The following TGFBR3 variants were observed in gnomAD, a reference collection of about 807,000 sequenced individuals.
TGFBR3 encodes transforming growth factor beta receptor 3, also known as transforming growth factor beta receptor type 3.
In TGFBR3, 46 loss-of-function variants were observed where a neutral mutation model predicts 87.9. The ratio of observed to expected loss-of-function variants is 0.52; its 90% CI spans 0.41 to 0.67. The LOEUF is 0.67. Among genes scored for constraint, TGFBR3 ranks in the 30% least tolerant of loss-of-function variants. The pLI, the probability that TGFBR3 is intolerant of heterozygous loss-of-function variation, is 0.00. For missense variants in TGFBR3, 866 were observed against 1,041.9 expected (o/e 0.83, Z 2.32); for synonymous variants, 381 against 391.6 (o/e 0.97, Z 0.32).
intron 2 of TGFBR3, among the ~76,000 whole-genome samples, chr1:91,828,563 C>A (rs1473961548): frequency 6.6e-6 from 1 of 152,138 alleles, no homozygotes; most frequent in African/African-American, 2.4e-5. Context: ...TTATCATGAG[C>A]AAACAGGGGC....
At chr1:91,751,610 A>G (rs1673543621) in intron 4 of TGFBR3, among the ~76,000 whole-genome samples, 1 of 152,174 alleles carries the variant, frequency 6.6e-6, no homozygotes, top group South Asian at 2.1e-4. Flanking sequence ...CAGAGGCCCA[A>G]AATATTTGGA....
intron 4 of TGFBR3, among the ~76,000 whole-genome samples, chr1:91,752,957 G>A (rs1673602600): frequency 6.6e-6 from 1 of 150,878 alleles, no homozygotes; most frequent in African/African-American, 2.4e-5. Flanking sequence ...AGCCCAGGCA[G>A]CAGAGGTTAC....
Position 91,713,070 on chromosome 1 carries a change from C to T in TGFBR3, c.1867-528G>A, listed in dbSNP as rs112907818. Reference sequence around the variant, plus strand: ...CCTGATGAGAGTCCTGCTTCATCGGCGAGAAGGCAGAGCTGGCTCCGGCGC... The same window carrying T: ...CCTGATGAGAGTCCTGCTTCATCGGTGAGAAGGCAGAGCTGGCTCCGGCGC... On this transcript the variant is annotated intron_variant, in intron 12 of 16. Coordinates refer to ENST00000212355, the MANE Select transcript of TGFBR3 (RefSeq NM_003243.5). Among the ~76,000 whole-genome samples, 144 of 152,136 alleles carry T rather than the reference C, an allele frequency of 9.5e-4. 4 individuals carry two copies. The highest frequency in any genetic ancestry group is 3.2e-3 in the Middle Eastern group (1 of 316).
intron 4 of TGFBR3, among the ~76,000 whole-genome samples, chr1:91,747,110 T>C (rs747252450): frequency 6.6e-6 from 1 of 152,242 alleles, no homozygotes; most frequent in African/African-American, 2.4e-5. Flanking sequence ...AGTGCCAGAT[T>C]ACACACCTTT....
Position 91,685,355 on chromosome 1 carries a change from C to T in TGFBR3, c.2438-1498G>A, listed in dbSNP as rs139553081. On this transcript the variant is annotated intron_variant, in intron 16 of 16. Transcript: ENST00000212355. ...TTTTTTTTTGTGAGACGGAGTCTCGCTCTGTCCCCTAGGATGGACTGCAGT... is the reference window on the plus strand; with the variant it reads ...TTTTTTTTTGTGAGACGGAGTCTCGTTCTGTCCCCTAGGATGGACTGCAGT... Among the ~76,000 whole-genome samples, 287 of 139,876 alleles carry T rather than the reference C, an allele frequency of 2.1e-3. 2 individuals carry two copies. Among genetic ancestry groups the T allele is most frequent in the African/African-American group, 6.7e-3 (248 of 36,908 alleles). 91.8% of individuals were successfully genotyped at this position (139,876 alleles called of 152,430 possible).
intron 12 of TGFBR3, among the ~76,000 whole-genome samples, chr1:91,715,726 A>G (rs1010788643): frequency 6.6e-6 from 1 of 152,198 alleles, no homozygotes; most frequent in African/African-American, 2.4e-5. Context: ...AAATGTCATG[A>G]GTTATAATAG....
chr1:91,755,469 G>A (rs1673707872), intron 4 of TGFBR3, among the ~76,000 whole-genome samples: 2 of 152,154 alleles, frequency 1.3e-5, no homozygotes, highest in Non-Finnish European at 2.9e-5. Flanking sequence ...TTCCCTAAAG[G>A]AAGCCTGCTG....
At chr1:91,889,944 G>A (rs148826465), upstream of TGFBR3, among the ~76,000 whole-genome samples, 484 of 152,250 alleles carry the variant, frequency 3.2e-3, 3 homozygotes, top group East Asian at 3.9e-3. Context: ...TTACAGGCGT[G>A]AGCTGCCGTG....
intron 2 of TGFBR3, among the ~76,000 whole-genome samples, chr1:91,850,449 A>G (rs1677683760): frequency 6.6e-6 from 1 of 152,168 alleles, no homozygotes; most frequent in African/African-American, 2.4e-5. Context: ...ATCACAGGAA[A>G]ATGCTGTAGC....
intron 1 of TGFBR3, among the ~76,000 whole-genome samples, chr1:91,904,308 T>C (rs1679796857): frequency 6.6e-6 from 1 of 151,782 alleles, no homozygotes; most frequent in South Asian, 2.1e-4. Context: ...TTTTTTTTTT[T>C]TTAGAAATAT....
rs1670877059 is a variant in TGFBR3 at position 91,680,649 on chromosome 1, T to C, written c.*3090A>G. On this transcript the variant is annotated 3_prime_UTR_variant, in exon 17 of 17. Coordinates refer to ENST00000212355, the MANE Select transcript of TGFBR3 (RefSeq NM_003243.5). The stretch of plus-strand genomic sequence containing the variant: ...GTCAGTTTCATGAACAACCCCCAGA[T>C]AAAACAAACATGAAAAAAATCACAT... 1 of 453,748 alleles carries C rather than the reference T, an allele frequency of 2.2e-6. No homozygotes were observed. The highest frequency in any genetic ancestry group is 4.4e-6 in the Non-Finnish European group (1 of 226,750). The allele number at this position is 453,748 out of a possible 1,614,324, so 28.1% of individuals were successfully genotyped here.
chr1:91,751,166 T>C (rs1169190162), intron 4 of TGFBR3, among the ~76,000 whole-genome samples: 2 of 151,982 alleles, frequency 1.3e-5, no homozygotes, highest in East Asian at 3.9e-4. Flanking sequence ...TTTCTAAACA[T>C]GGGGGTGGGG....
At chr1:91,693,344 C>A (rs1671327681) in intron 16 of TGFBR3, among the ~76,000 whole-genome samples, 1 of 152,224 alleles carries the variant, frequency 6.6e-6, no homozygotes, top group South Asian at 2.1e-4. Context: ...GAAAGCATCA[C>A]AGGAGGGAGG....
intron 16 of TGFBR3, among the ~76,000 whole-genome samples, chr1:91,691,492 T>C (rs1315544056): frequency 2.6e-5 from 4 of 152,178 alleles, no homozygotes; most frequent in Admixed American, 2.6e-4. Context: ...AAGGAAAAAG[T>C]GTCTATAATC....
intron 3 of TGFBR3, among the ~76,000 whole-genome samples, chr1:91,779,671 A>G (rs1169597845): frequency 3.3e-5 from 5 of 152,234 alleles, no homozygotes; most frequent in African/African-American, 1.2e-4. Flanking sequence ...ACTGTGTGGT[A>G]GCGTCCTTTA....
At chr1:91,790,277 C>T (rs144725959) in intron 3 of TGFBR3, among the ~76,000 whole-genome samples, 5 of 152,312 alleles carry the variant, frequency 3.3e-5, no homozygotes, top group Non-Finnish European at 7.3e-5. Flanking sequence ...CAATTGCCTA[C>T]AATATTCAGC....
chr1:91,684,544 G>T (rs1346484850), intron 16 of TGFBR3, among the ~76,000 whole-genome samples: 1 of 152,188 alleles, frequency 6.6e-6, no homozygotes, highest in Non-Finnish European at 1.5e-5. Context: ...GGGGTGCAGT[G>T]TGAGTATCTC....
chr1:91,717,154 T>G (rs992471344), intron 10 of TGFBR3, among the ~76,000 whole-genome samples: 3 of 152,104 alleles, frequency 2.0e-5, no homozygotes, highest in Admixed American at 6.5e-5. Context: ...TTTGGTTATA[T>G]ATATCCTTTA....
At chr1:91,769,611 A>G (rs544322715) in intron 3 of TGFBR3, among the ~76,000 whole-genome samples, 2 of 152,200 alleles carry the variant, frequency 1.3e-5, no homozygotes, top group East Asian at 3.9e-4. Flanking sequence ...ATGATTGGAG[A>G]GAAGGATAAG....
Sources: allele counts gnomAD v4.1 joint callset (sites outside exome capture counted in the v4.1 genomes callset), GRCh38; gene constraint gnomAD v4.1.1; transcripts MANE v1.5; gene names NCBI Gene and HGNC (gene_info 2026-07-23, HGNC 2026-07-21).